DOCK1: variants seen among roughly 807,000 people sequenced by gnomAD.
DOCK1 encodes dedicator of cytokinesis protein 1.
In DOCK1, 138 loss-of-function variants were observed where a neutral mutation model predicts 262.7. The ratio of observed to expected loss-of-function variants is 0.53; its 90% CI spans 0.46 to 0.61. The LOEUF is 0.61. DOCK1 is among the 20% of genes least tolerant of loss of function. DOCK1 has a pLI of 0.00. For missense variants in DOCK1, 1,908 were observed against 2,370.7 expected, an observed-to-expected ratio of 0.80 and a Z score of 4.05; for synonymous variants, 866 against 867.4, an observed-to-expected ratio of 1.00 and a Z score of 0.03.
intron 50 of DOCK1, among the ~76,000 whole-genome samples, chr10:127,445,865 C>T (rs192504614): frequency 1.3e-4 from 20 of 152,336 alleles, no homozygotes; most frequent in East Asian, 5.8e-4. Context: ...TGCTACAGCA[C>T]GGACGAACCT....
rs906354479 is a variant in DOCK1, at chr10:127,410,995, G to A, written c.4428+71G>A. ...TCCGCCACCAGTAGAACTGCCACTG[G>A]AGAAGCGTGGCCTCAGAGGCAGCCA... On this transcript the variant is annotated intron_variant, in intron 43 of 51. Coordinates refer to ENST00000623213, the MANE Select transcript of DOCK1 (RefSeq NM_001290223.2). 6.1e-6 allele frequency: 9 copies of A among 1,474,112 alleles called. No homozygotes were observed. In the African/African-American group the frequency reaches 1.3e-4, roughly 21 times the overall value. 91.3% of individuals were successfully genotyped at this position (1,474,112 alleles called of 1,614,324 possible). A position where few individuals can be genotyped will look rare whatever the true frequency, so the allele number is the denominator to read the frequency against.
chr10:127,155,871 A>G (rs1022818731), intron 27 of DOCK1, among the ~76,000 whole-genome samples: 1 of 152,146 alleles, frequency 6.6e-6, no homozygotes, highest in African/African-American at 2.4e-5. Context: ...GGTGCTGGCA[A>G]TGGCACGGTC....
intron 35 of DOCK1, among the ~76,000 whole-genome samples, chr10:127,374,724 G>A (rs1178051461): frequency 1.3e-5 from 2 of 152,192 alleles, no homozygotes; most frequent in African/African-American, 4.8e-5. Context: ...AATGACAGGT[G>A]TCCTCATAAG....
chr10:127,296,319 C>T (rs1157587926), intron 29 of DOCK1, among the ~76,000 whole-genome samples: 1 of 152,232 alleles, frequency 6.6e-6, no homozygotes, highest in African/African-American at 2.4e-5. Flanking sequence ...AGAAGCCAGA[C>T]CCATCCTCAC....
intron 29 of DOCK1, among the ~76,000 whole-genome samples, chr10:127,265,914 AG>A (rs952510207): frequency 1.9e-4 from 29 of 152,354 alleles, no homozygotes; most frequent in Admixed American, 1.6e-3. Flanking sequence ...GCAAATTTGC[AG>A]GGTAGGCTGT....
chr10:127,449,961 G>A (rs1177318677), intron 51 of DOCK1, among the ~76,000 whole-genome samples: 2 of 152,176 alleles, frequency 1.3e-5, no homozygotes, highest in Non-Finnish European at 2.9e-5. Context: ...TTGCAGCGCT[G>A]TGTTGGTATC....
At chr10:127,133,661 A>G (rs1204074202) in intron 27 of DOCK1, among the ~76,000 whole-genome samples, 2 of 152,218 alleles carry the variant, frequency 1.3e-5, no homozygotes, top group African/African-American at 4.8e-5. Context: ...AATGGGCACA[A>G]TATGCTCTGC....
intron 35 of DOCK1, among the ~76,000 whole-genome samples, chr10:127,374,926 A>G (rs2065406079): frequency 6.6e-6 from 1 of 152,224 alleles, no homozygotes; most frequent in African/African-American, 2.4e-5. Flanking sequence ...TGGCCTCTGG[A>G]ACTGTGAGAA....
chr10:127,334,070 A>C (rs1026161511), intron 29 of DOCK1, among the ~76,000 whole-genome samples: 1 of 152,152 alleles, frequency 6.6e-6, no homozygotes, highest in Non-Finnish European at 1.5e-5. Flanking sequence ...ACAAATAATA[A>C]TTGTGTATGT....
intron 44 of DOCK1, 124 bp from the exon 45 acceptor site, chr10:127,418,241 C>A: frequency 8.8e-7 from 1 of 1,133,244 alleles, no homozygotes; most frequent in Non-Finnish European, 1.2e-6. Context: ...CCCAAAAATT[C>A]TGTTTGGAAG....
chr10:127,095,937 G>A (rs139239255), intron 23 of DOCK1, among the ~76,000 whole-genome samples: 28 of 152,124 alleles, frequency 1.8e-4, no homozygotes, highest in African/African-American at 6.0e-4. Flanking sequence ...TGGGAACAAC[G>A]TCCCTCAGGC....
chr10:127,420,791 A>T (rs1590983396), intron 46 of DOCK1, among the ~76,000 whole-genome samples: 1 of 151,276 alleles, frequency 6.6e-6, no homozygotes, highest in South Asian at 2.1e-4. Context: ...GTGAGCTGAG[A>T]TCACGCCACT....
At chr10:127,342,356 G>T (rs1041299611) in intron 30 of DOCK1, among the ~76,000 whole-genome samples, 14 of 152,240 alleles carry the variant, frequency 9.2e-5, no homozygotes, top group African/African-American at 2.6e-4. Flanking sequence ...CTAAAAAAAA[G>T]AGAGCCCCAT....
At chr10:127,185,179 G>T (rs147588451) in intron 27 of DOCK1, among the ~76,000 whole-genome samples, 1 of 152,124 alleles carries the variant, frequency 6.6e-6, no homozygotes, top group African/African-American at 2.4e-5. Flanking sequence ...TGTGGAGTAG[G>T]TCCCTCTAAG....
intron 47 of DOCK1, among the ~76,000 whole-genome samples, chr10:127,426,845 C>T (rs2068847437): frequency 6.6e-6 from 1 of 152,156 alleles, no homozygotes; most frequent in Non-Finnish European, 1.5e-5. Flanking sequence ...GCATCAGGAG[C>T]AGGGTGGAGA....
intron 29 of DOCK1, among the ~76,000 whole-genome samples, chr10:127,287,142 C>T (rs559008181): frequency 1.3e-5 from 2 of 151,604 alleles, no homozygotes; most frequent in South Asian, 4.2e-4. Context: ...CTCCTGACCT[C>T]GTGATCTGCC....
intron 23 of DOCK1, among the ~76,000 whole-genome samples, chr10:127,069,055 T>G (rs1264818146): frequency 6.6e-6 from 1 of 152,242 alleles, no homozygotes; most frequent in Admixed American, 6.5e-5. Context: ...CATCCAGATT[T>G]TCAAATGCTC....
chr10:127,150,784 C>T (rs1334582893), intron 27 of DOCK1, among the ~76,000 whole-genome samples: 1 of 152,106 alleles, frequency 6.6e-6, no homozygotes. Context: ...AAGGTAGAGA[C>T]AGGTCAAGTA....
chr10:127,305,324 C>T (rs1434563594), intron 29 of DOCK1, among the ~76,000 whole-genome samples: 3 of 152,128 alleles, frequency 2.0e-5, no homozygotes, highest in Non-Finnish European at 4.4e-5. Context: ...TCTGATGAGT[C>T]GGGCAGAAGA....
Sources: allele counts gnomAD v4.1 joint callset (sites outside exome capture counted in the v4.1 genomes callset), GRCh38; gene constraint gnomAD v4.1.1; transcripts MANE v1.5; gene names NCBI Gene and HGNC (gene_info 2026-07-23, HGNC 2026-07-21).